The following NFATC1 variants were observed in gnomAD, a reference collection of about 807,000 sequenced individuals.
The protein encoded by NFATC1 is nuclear factor of activated T-cells, cytoplasmic 1.
Under a neutral mutation model 76.0 loss-of-function variants are expected in NFATC1, and 22 were observed. That is an observed-to-expected ratio of 0.29 (90% CI 0.21 to 0.41). The LOEUF (loss-of-function observed/expected upper bound fraction) is 0.41, where lower values mean the gene tolerates loss of function less well. NFATC1 is among the 10% of genes least tolerant of loss of function. The pLI is 1.00. For missense variants in NFATC1, 1,357 were observed against 1,337.7 expected (o/e 1.01, Z -0.23); for synonymous variants, 704 against 613.1 (o/e 1.15, Z -2.19).
chr18:79,519,137 C>T (rs368091280), intron 9 of NFATC1, among the ~76,000 whole-genome samples: 2 of 152,144 alleles, frequency 1.3e-5, no homozygotes, highest in African/African-American at 2.4e-5. Context: ...GAGCCTCCGG[C>T]GGCTGGCAGG....
intron 4 of NFATC1, 69 bp downstream of exon 4, chr18:79,449,053 C>CG (rs1176919018): frequency 1.4e-5 from 21 of 1,522,282 alleles, no homozygotes; most frequent in Non-Finnish European, 1.9e-5. Flanking sequence ...CTCCCAGTCC[C>CG]GGGGGGTCTG....
chr18:79,455,114 C>T (rs2087632538), intron 6 of NFATC1, among the ~76,000 whole-genome samples: 2 of 152,256 alleles, frequency 1.3e-5, no homozygotes, highest in Non-Finnish European at 2.9e-5. Context: ...ATGCATCAAA[C>T]ATGAGCCAGT....
intron 2 of NFATC1, among the ~76,000 whole-genome samples, chr18:79,413,858 T>C: frequency 6.6e-6 from 1 of 152,152 alleles, no homozygotes; most frequent in East Asian, 1.9e-4. Flanking sequence ...TTTCCTCTGC[T>C]TGGGGGTTTC....
intron 6 of NFATC1, among the ~76,000 whole-genome samples, chr18:79,456,759 C>T (rs529389709): frequency 6.6e-4 from 100 of 152,170 alleles, no homozygotes; most frequent in African/African-American, 2.2e-3. Context: ...TTTAGTCGTG[C>T]GGGATGTAGG....
chr18:79,426,808 C>A (rs866558957), intron 2 of NFATC1, among the ~76,000 whole-genome samples: 1 of 152,242 alleles, frequency 6.6e-6, no homozygotes, highest in African/African-American at 2.4e-5. Context: ...CAATGCCCCA[C>A]CCGGCCCCCG....
chr18:79,402,248 C>G, intron 1 of NFATC1: 1 of 783,760 alleles, frequency 1.3e-6, no homozygotes, highest in Non-Finnish European at 1.5e-6. Flanking sequence ...CCCCTCGAGG[C>G]CTAGTCTCAC....
At chr18:79,495,441 A>G (rs1253236827) in intron 9 of NFATC1, among the ~76,000 whole-genome samples, 1 of 152,214 alleles carries the variant, frequency 6.6e-6, no homozygotes, top group Non-Finnish European at 1.5e-5. Context: ...ATTTTCAGCT[A>G]TTCATCTTCT....
intron 9 of NFATC1, 72 bp downstream of exon 9, chr18:79,487,009 G>A: frequency 6.8e-7 from 1 of 1,464,288 alleles, no homozygotes; most frequent in Non-Finnish European, 9.2e-7. Flanking sequence ...GGGGCCGTGT[G>A]CGTGCTGCGT....
intron 1 of NFATC1, chr18:79,402,512 G>C (rs941866487): frequency 5.1e-6 from 3 of 583,100 alleles, no homozygotes; most frequent in African/African-American, 4.1e-5. Flanking sequence ...CCCTTCCCCG[G>C]GAGCCCCGCA....
At chr18:79,417,137 G>A (rs947641950) in intron 2 of NFATC1, among the ~76,000 whole-genome samples, 3 of 100,760 alleles carry the variant, frequency 3.0e-5, no homozygotes, top group African/African-American at 8.3e-5. Context: ...GGGCTGTGGC[G>A]GGAGATGGGC....
intron 2 of NFATC1, chr18:79,422,511 T>TG (rs1262450723): frequency 2.0e-5 from 3 of 152,254 alleles, no homozygotes; most frequent in Non-Finnish European, 4.4e-5. Context: ...ACCACACTGT[T>TG]GCTCTCCAGC....
chr18:79,470,166 T>C (rs160190), intron 8 of NFATC1: 225,574 of 225,628 alleles, frequency 1, 112,760 homozygotes, highest in Middle Eastern at 1. Context: ...GCTTCTGCCA[T>C]GTGGTCCGAG....
At chr18:79,456,000 G>C (rs912125077) in intron 6 of NFATC1, among the ~76,000 whole-genome samples, 3 of 152,170 alleles carry the variant, frequency 2.0e-5, no homozygotes, top group Admixed American at 1.3e-4. Context: ...TCAAATAAAG[G>C]GACCAAAGGC....
At chr18:79,406,730 C>G (rs1380322804) in intron 1 of NFATC1, among the ~76,000 whole-genome samples, 3 of 152,168 alleles carry the variant, frequency 2.0e-5, no homozygotes, top group African/African-American at 7.2e-5. Flanking sequence ...ACGGGAACCC[C>G]CCAGGAGCCG....
rs2090711746 is a variant in NFATC1 at position 79,524,807 on chromosome 18, G to A, written c.2783-2721G>A. On this transcript the variant is annotated intron_variant, in intron 9 of 9. Coordinates refer to ENST00000427363, the MANE Select transcript of NFATC1 (RefSeq NM_001278669.2). This position sits in a 1 kb window ranked among gnomAD's most constrained non-coding sequence, Gnocchi z 7.2. ...CTCCCACCGAGGCTCAGGTGCTCGT[G>A]GGCAGCAAGGGGAAGCCCCATGGCC... Among the ~76,000 whole-genome samples, 1 of 151,866 alleles carries A rather than the reference G, an allele frequency of 6.6e-6. No individual in the cohort carries two copies. The highest frequency in any genetic ancestry group is 6.6e-5 in the Admixed American group (1 of 15,266).
intron 3 of NFATC1, among the ~76,000 whole-genome samples, chr18:79,445,504 G>A (rs540581006): frequency 6.6e-6 from 1 of 152,372 alleles, no homozygotes; most frequent in Non-Finnish European, 1.5e-5. Context: ...TCTGGCTGCT[G>A]TTGTGGGTGA....
chr18:79,527,623 GCAGA>G lies in NFATC1; in HGVS notation c.*49_*52del, dbSNP rs2090804947. On this transcript the variant is annotated 3_prime_UTR_variant, in exon 10 of 10. Transcript: ENST00000427363. ...GTTCAGCAGGGGTATGCTGACTTCAGCAGACAAAGACTTTTGAATAAATAAACTG... is the reference window on the plus strand; with the variant it reads ...GTTCAGCAGGGGTATGCTGACTTCAGCAAAGACTTTTGAATAAATAAACTG... The G allele has an allele frequency of 6.4e-7, 1 of 1,560,460 alleles. No individual in the cohort carries two copies. The highest frequency in any genetic ancestry group is 1.4e-5 in the African/African-American group (1 of 73,560).
At chr18:79,503,957 T>TC (rs1277061677) in intron 9 of NFATC1, among the ~76,000 whole-genome samples, 1 of 152,232 alleles carries the variant, frequency 6.6e-6, no homozygotes, top group Non-Finnish European at 1.5e-5. Flanking sequence ...AACTTTTTTT[T>TC]CTGCAGCTTC....
chr18:79,396,085 C>G lies in NFATC1; in HGVS notation c.-140C>G. The G allele has an allele frequency of 3.7e-6, 4 of 1,084,956 alleles. No individual in the cohort carries two copies. Among genetic ancestry groups the G allele is most frequent in the Non-Finnish European group, 4.6e-6 (4 of 870,116 alleles). 67.2% of individuals were successfully genotyped at this position (1,084,956 alleles called of 1,614,324 possible). ...GGCCCCGCCACGCGCGCACACGCCC[C>G]TCGATGACTTTCCTCCGGGGCGCGC... On this transcript the variant is annotated 5_prime_UTR_variant, in exon 1 of 10. Coordinates refer to ENST00000427363, the MANE Select transcript of NFATC1 (RefSeq NM_001278669.2).
Sources: gnomAD v4.1 joint callset for allele counts (sites outside exome capture counted in the v4.1 genomes callset) on GRCh38, gnomAD v4.1.1 for gene constraint, Gnocchi (gnomAD v3.1) non-coding constraint, MANE v1.5 for transcripts, NCBI Gene and HGNC (gene_info 2026-07-23, HGNC 2026-07-21) for gene names.